Variants in TMBIM6 observed in about 807,000 individuals in gnomAD.
TMBIM6 encodes transmembrane BAX inhibitor motif containing 6.
Under a neutral mutation model 31.4 loss-of-function variants are expected in TMBIM6, and 13 were observed. The ratio of observed to expected loss-of-function variants is 0.41; its 90% CI spans 0.27 to 0.66. The LOEUF is 0.66. Among genes scored for constraint, TMBIM6 ranks in the 30% least tolerant of loss-of-function variants. The pLI is 0.28. For synonymous variants in TMBIM6, 85 were observed against 101.7 expected (o/e 0.84, Z 0.99); for missense variants, 275 against 289.5 (o/e 0.95, Z 0.36).
intron 8 of TMBIM6, among the ~76,000 whole-genome samples, chr12:49,760,611 A>G (rs917880044): frequency 2.2e-5 from 3 of 134,202 alleles, no homozygotes; most frequent in African/African-American, 8.6e-5. Flanking sequence ...ATCTCAGCTC[A>G]CTGCAACCTC....
intron 1 of TMBIM6, chr12:49,741,877 T>C (rs1945300917): frequency 1.9e-6 from 1 of 525,878 alleles, no homozygotes; most frequent in Non-Finnish European, 3.3e-6. Context: ...AGGCCTCTAT[T>C]CTGCCCCAGA....
At chr12:49,749,851 A>G (rs1448597613) in intron 1 of TMBIM6, 1 of 152,158 alleles carries the variant, frequency 6.6e-6, no homozygotes, top group African/African-American at 2.4e-5. Context: ...TGATAGGTCA[A>G]CCCTGGTAAG....
chr12:49,751,091 A>G (rs1945485340), intron 1 of TMBIM6, among the ~76,000 whole-genome samples: 1 of 152,196 alleles, frequency 6.6e-6, no homozygotes, highest in Non-Finnish European at 1.5e-5. Flanking sequence ...TTAGTACTGT[A>G]GATTGAACAC....
rs1034196902 is a variant in TMBIM6, at chr12:49,763,129, C to T, written c.*233C>T. The T allele has an allele frequency of 2.6e-5, 11 of 424,556 alleles. No individual in the cohort carries two copies. Among genetic ancestry groups the T allele is most frequent in the African/African-American group, 2.0e-4 (10 of 50,730 alleles). 26.3% of individuals were successfully genotyped at this position (424,556 alleles called of 1,614,324 possible). Reference sequence around the variant, plus strand: ...CCCTCACTCCCTTTTTTGTCAACCCCATCTGTAGCCTCTTCCTCTACTCAG... The same window carrying T: ...CCCTCACTCCCTTTTTTGTCAACCCTATCTGTAGCCTCTTCCTCTACTCAG... On this transcript the variant is annotated 3_prime_UTR_variant, in exon 10 of 10. Coordinates refer to ENST00000267115, the MANE Select transcript of TMBIM6 (RefSeq NM_003217.3).
chr12:49,762,030 A>C (rs1219947868), intron 9 of TMBIM6: 6 of 485,388 alleles, frequency 1.2e-5, no homozygotes, highest in Admixed American at 3.8e-5. Flanking sequence ...CAGTAAACAC[A>C]ACCTGCTACA....
chr12:49,761,225 G>A (rs980251521), intron 8 of TMBIM6, among the ~76,000 whole-genome samples: 12 of 152,032 alleles, frequency 7.9e-5, no homozygotes, highest in Non-Finnish European at 1.8e-4. Flanking sequence ...AGTTCAGAGC[G>A]CTTGAGACAG....
intron 1 of TMBIM6, among the ~76,000 whole-genome samples, 200 bp from the exon 2 acceptor site, chr12:49,752,264 C>A (rs1370708067): frequency 6.6e-6 from 1 of 152,140 alleles, no homozygotes; most frequent in African/African-American, 2.4e-5. Flanking sequence ...GCATTCAATT[C>A]CTCTGTCGTC....
intron 2 of TMBIM6, 76 bp from the exon 3 acceptor site, chr12:49,752,897 G>A (rs1945520692): frequency 3.0e-6 from 4 of 1,341,802 alleles, no homozygotes; most frequent in South Asian, 1.3e-5. Context: ...GGAAGGGAAA[G>A]AGAGAAATGA....
intron 3 of TMBIM6, 76 bp downstream of exon 3, chr12:49,753,157 A>T: frequency 6.2e-6 from 7 of 1,120,990 alleles, no homozygotes; most frequent in Non-Finnish European, 9.2e-6. Context: ...AGGTGGTCCA[A>T]GGGACCCTGT....
intron 2 of TMBIM6, 66 bp downstream of exon 2, chr12:49,752,615 G>A: frequency 7.4e-7 from 1 of 1,354,030 alleles, no homozygotes; most frequent in South Asian, 1.2e-5. Context: ...TCCCTTTTCT[G>A]CATTTATAAC....
rs1408298737 is a variant in TMBIM6, at chr12:49,762,933, C to G, written c.*37C>G. 1.2e-6 allele frequency: 2 copies of G among 1,604,554 alleles called. No individual in the cohort carries two copies. The highest frequency in any genetic ancestry group is 1.1e-5 in the South Asian group (1 of 90,748). On this transcript the variant is annotated 3_prime_UTR_variant, in exon 10 of 10. Transcript: ENST00000267115. ...AGCCTTTCCCAATTAGACTTCCTCT[C>G]CTTCCACCCCTCATTTCCTTTTTGC...
chr12:49,758,512 G>C, intron 6 of TMBIM6, 32 bp downstream of exon 6: 2 of 1,607,708 alleles, frequency 1.2e-6, no homozygotes, highest in Middle Eastern at 1.7e-4. Flanking sequence ...GGGAATGGGG[G>C]CTCCTTTTTA....
At chr12:49,757,924 C>A (rs902487381) in intron 4 of TMBIM6, among the ~76,000 whole-genome samples, 5 of 152,084 alleles carry the variant, frequency 3.3e-5, no homozygotes, top group Non-Finnish European at 7.3e-5. Context: ...TTACATCACT[C>A]TAGCTCTGAA....
At chr12:49,743,268 T>C (rs1945331778) in intron 1 of TMBIM6, 2 of 151,498 alleles carry the variant, frequency 1.3e-5, no homozygotes, top group Non-Finnish European at 2.9e-5. Context: ...ACAGTCTCAC[T>C]CCCTTACCCA....
chr12:49,742,236 C>T, intron 1 of TMBIM6: 1 of 1,612,514 alleles, frequency 6.2e-7, no homozygotes, highest in Non-Finnish European at 8.5e-7. Flanking sequence ...CCTTCCAGGC[C>T]CACGGGGCGG....
At chr12:49,741,689 T>C in intron 1 of TMBIM6, 78 bp downstream of exon 1, 1 of 196,976 alleles carries the variant, frequency 5.1e-6, no homozygotes. Flanking sequence ...TGAGCAAGAG[T>C]GGCAGTAGCT....
chr12:49,762,687 C>T (rs776142691), intron 9 of TMBIM6, among the ~76,000 whole-genome samples, 186 bp from the exon 10 acceptor site: 4 of 152,120 alleles, frequency 2.6e-5, no homozygotes, highest in East Asian at 1.9e-4. Context: ...GTCGGTCTGT[C>T]GGCAACTTTG....
chr12:49,751,540 TGCA>T (rs1429558855), intron 1 of TMBIM6, among the ~76,000 whole-genome samples: 1 of 152,168 alleles, frequency 6.6e-6, no homozygotes, highest in Non-Finnish European at 1.5e-5. Flanking sequence ...TCCTCCTTTC[TGCA>T]TAAATTCCTT....
At chr12:49,755,803 G>A in intron 4 of TMBIM6, 48 bp downstream of exon 4, 1 of 1,550,652 alleles carries the variant, frequency 6.4e-7, no homozygotes, top group Non-Finnish European at 8.8e-7. Context: ...TATATTTTCA[G>A]TATCTCTTAA....
Sources: allele counts gnomAD v4.1 joint callset (sites outside exome capture counted in the v4.1 genomes callset), GRCh38; gene constraint gnomAD v4.1.1; transcripts MANE v1.5; gene names NCBI Gene and HGNC (gene_info 2026-07-23, HGNC 2026-07-21).